DTNB: variants seen among roughly 807,000 people sequenced by gnomAD.
DTNB encodes DTN-B.
A neutral mutation model predicts 90.7 loss-of-function variants in DTNB; 63 were observed. The observed-to-expected ratio is 0.69, with a 90% CI of 0.57 to 0.86. DTNB has a LOEUF of 0.86. DTNB is among the 40% of genes least tolerant of loss of function. DTNB has a pLI of 0.00. For synonymous variants in DTNB, 277 were observed against 286.7 expected, an observed-to-expected ratio of 0.97 and a Z score of 0.34; for missense variants, 744 against 807.1, an observed-to-expected ratio of 0.92 and a Z score of 0.95.
At chr2:25,645,331 C>A (rs1468241486) in intron 2 of DTNB, among the ~76,000 whole-genome samples, 1 of 147,256 alleles carries the variant, frequency 6.8e-6, no homozygotes, top group Non-Finnish European at 1.5e-5. Flanking sequence ...GCACTCCAGC[C>A]TGGGTGACAG....
intron 12 of DTNB, among the ~76,000 whole-genome samples, chr2:25,444,259 T>C (rs914084356): frequency 2.0e-5 from 3 of 152,160 alleles, no homozygotes; most frequent in Non-Finnish European, 1.5e-5. Context: ...CCGGGCGCGG[T>C]GGCTCACACC....
rs2048844301 is a variant in DTNB, at chr2:25,419,553, A to G, written c.1555-18T>C. On this transcript the variant is annotated intron_variant, in intron 15 of 20. Coordinates refer to ENST00000406818, the MANE Select transcript of DTNB (RefSeq NM_021907.5). ...TCTTCCTCCTGGAGTGTTGAAGATG[A>G]AAAAAAAAGGCAGAGGAAAAAAGGA... is the stretch of plus-strand genomic sequence containing the variant. The G allele has an allele frequency of 1.3e-6, 2 of 1,530,746 alleles. No individual in the cohort carries two copies. Among genetic ancestry groups the G allele is most frequent in the Admixed American group, 2.1e-5 (1 of 48,564 alleles). The allele number at this position is 1,530,746 out of a possible 1,614,324, so 94.8% of individuals were successfully genotyped here. A position where few individuals can be genotyped will look rare whatever the true frequency, so the allele number is the denominator to read the frequency against.
rs374894219 is a variant in DTNB, at chr2:25,432,976, C to A, written c.1367G>T (p.Arg456Leu). Residue 456 changes from arginine (R) to leucine (L), a missense_variant, in exon 14 of 21, where the codon CGT (arginine) becomes CTT (leucine). Transcript: ENST00000406818. ...GGCCTGCTCGTGTTCCAGGCGGAGA[C>A]GCTGAATCTCCTGCAGGATCTCTCT... ...KNREILQEIQ[R>L]LRLEHEQASQ... 6.2e-7 allele frequency: 1 copy of A among 1,609,164 alleles called. No homozygotes were observed. Among genetic ancestry groups the A allele is most frequent in the Non-Finnish European group, 8.5e-7 (1 of 1,178,714 alleles).
chr2:25,485,096 T>A (rs2150404808), intron 9 of DTNB, among the ~76,000 whole-genome samples: 1 of 152,326 alleles, frequency 6.6e-6, no homozygotes, highest in African/African-American at 2.4e-5. Flanking sequence ...TTATTAGCAA[T>A]CTATTTCCAA....
At position 25,388,196 on chromosome 2, in the gene DTNB, A is replaced by G. The variant is rs1159921202; in HGVS notation, c.1735+6T>C. 1 of 1,561,290 alleles carries G rather than the reference A, an allele frequency of 6.4e-7. No homozygotes were observed. The highest frequency in any genetic ancestry group is 1.9e-5 in the Admixed American group (1 of 51,848). ...CTCCCCGCTGAACTCTGCTCCAGAAACTCACCTTGTGCGAAGGCCTCCTGC... is the reference window on the plus strand; with the variant it reads ...CTCCCCGCTGAACTCTGCTCCAGAAGCTCACCTTGTGCGAAGGCCTCCTGC... On this transcript the variant is annotated splice_donor_region_variant and intron_variant, in intron 17 of 20. Coordinates refer to ENST00000406818, the MANE Select transcript of DTNB (RefSeq NM_021907.5).
chr2:25,551,563 C>A (rs143084750), intron 8 of DTNB, among the ~76,000 whole-genome samples: 1 of 152,184 alleles, frequency 6.6e-6, no homozygotes, highest in Non-Finnish European at 1.5e-5. Context: ...GCAGTGTTAG[C>A]GGTTCCCTTC....
intron 9 of DTNB, among the ~76,000 whole-genome samples, chr2:25,510,210 T>C (rs2073640985): frequency 6.6e-6 from 1 of 152,106 alleles, no homozygotes. Context: ...ATTTACCTTA[T>C]CTAATTGAGG....
intron 8 of DTNB, among the ~76,000 whole-genome samples, chr2:25,545,264 A>G (rs1481184230): frequency 6.6e-6 from 1 of 151,964 alleles, no homozygotes; most frequent in African/African-American, 2.4e-5. Context: ...TCCCAATTTC[A>G]TTTCTTTAAC....
At chr2:25,397,426 G>A (rs2042675998) in intron 16 of DTNB, among the ~76,000 whole-genome samples, 1 of 151,686 alleles carries the variant, frequency 6.6e-6, no homozygotes, top group Non-Finnish European at 1.5e-5. Context: ...CATATCGTAT[G>A]ATCCCATTTA....
chr2:25,535,260 C>T (rs1334692302), intron 8 of DTNB, among the ~76,000 whole-genome samples: 38 of 140,094 alleles, frequency 2.7e-4, no homozygotes, highest in African/African-American at 1.0e-3. Flanking sequence ...ACTTCCTAGA[C>T]GGAGTGGCAG....
chr2:25,643,341 G>A (rs79878155), intron 2 of DTNB, among the ~76,000 whole-genome samples: 2,897 of 152,214 alleles, frequency 0.019, 37 homozygotes, highest in Non-Finnish European at 0.032. Flanking sequence ...GGCTCCTACT[G>A]CACTGTCATT....
intron 2 of DTNB, among the ~76,000 whole-genome samples, chr2:25,650,794 C>T (rs1312587815): frequency 6.6e-6 from 1 of 152,174 alleles, no homozygotes; most frequent in East Asian, 1.9e-4. Context: ...AACCCCATCT[C>T]TACTAAAAAT....
chr2:25,662,681 A>C (rs3041441), intron 1 of DTNB, among the ~76,000 whole-genome samples: 4,685 of 104,342 alleles, frequency 0.045, 188 homozygotes, highest in African/African-American at 0.13. Flanking sequence ...CACACACACA[A>C]ACACACACAC....
At chr2:25,638,974 CTCTA>C in intron 3 of DTNB, 36 bp downstream of exon 3, 1 of 1,502,022 alleles carries the variant, frequency 6.7e-7, no homozygotes, top group Non-Finnish European at 9.0e-7. Flanking sequence ...ATATTGAGAA[CTCTA>C]TCCAGCTATC....
chr2:25,628,460 A>G, intron 3 of DTNB, 76 bp from the exon 4 acceptor site: 1 of 1,343,226 alleles, frequency 7.4e-7, no homozygotes. Flanking sequence ...TCTAAAATTT[A>G]TCAACTAGTT....
intron 5 of DTNB, among the ~76,000 whole-genome samples, chr2:25,599,804 C>G (rs772539167): frequency 2.0e-5 from 3 of 152,100 alleles, no homozygotes; most frequent in Non-Finnish European, 4.4e-5. Flanking sequence ...CTTTAAATAG[C>G]TGGCTGCTGG....
chr2:25,615,937 A>G (rs922665177), intron 4 of DTNB, among the ~76,000 whole-genome samples: 2 of 152,216 alleles, frequency 1.3e-5, no homozygotes, highest in East Asian at 3.8e-4. Context: ...TGCTATTTTC[A>G]TATGCATCCA....
intron 18 of DTNB, among the ~76,000 whole-genome samples, chr2:25,384,651 C>T (rs983791806): frequency 2.6e-5 from 4 of 152,114 alleles, no homozygotes; most frequent in Admixed American, 1.3e-4. Flanking sequence ...CCATCCAACC[C>T]GTGAAAGGCG....
At chr2:25,500,326 A>C (rs186134487) in intron 9 of DTNB, among the ~76,000 whole-genome samples, 385 of 152,346 alleles carry the variant, frequency 2.5e-3, no homozygotes, top group Non-Finnish European at 4.8e-3. Flanking sequence ...AATTCAAAGA[A>C]GGCTGGTAGA....
Sources: allele counts gnomAD v4.1 joint callset (sites outside exome capture counted in the v4.1 genomes callset), GRCh38; gene constraint gnomAD v4.1.1; transcripts MANE v1.5; gene names NCBI Gene and HGNC (gene_info 2026-07-23, HGNC 2026-07-21).